The following UVRAG variants were observed in gnomAD, a reference collection of about 807,000 sequenced individuals.
UVRAG encodes UV radiation resistance associated.
UVRAG carries 19 observed loss-of-function variants against 78.0 expected under a neutral mutation model. The ratio of observed to expected loss-of-function variants is 0.24; its 90% CI spans 0.17 to 0.36. The LOEUF is 0.36. UVRAG is among the 10% of genes least tolerant of loss of function. The pLI, the probability that UVRAG is intolerant of heterozygous loss-of-function variation, is 1.00. For missense variants in UVRAG, 740 were observed against 853.8 expected, an observed-to-expected ratio of 0.87 and a Z score of 1.66; for synonymous variants, 323 against 324.6, an observed-to-expected ratio of 1.00 and a Z score of 0.05.
chr11:76,091,686 C>A (rs1283893562), intron 13 of UVRAG, among the ~76,000 whole-genome samples: 1 of 151,970 alleles, frequency 6.6e-6, no homozygotes, highest in Non-Finnish European at 1.5e-5. Flanking sequence ...TGAATAGCAT[C>A]TTATTGTTCT....
At chr11:76,123,985 C>T (rs1266754992) in intron 14 of UVRAG, among the ~76,000 whole-genome samples, 11 of 151,980 alleles carry the variant, frequency 7.2e-5, no homozygotes, top group Admixed American at 1.3e-4. Context: ...AGGCTGGTCT[C>T]GAACTCCTGA....
intron 12 of UVRAG, among the ~76,000 whole-genome samples, chr11:76,042,783 C>T (rs1219882881): frequency 2.6e-5 from 4 of 152,112 alleles, no homozygotes; most frequent in African/African-American, 7.2e-5. Context: ...GTATGTTATA[C>T]ATTAATAAAA....
chr11:76,081,487 T>C lies in UVRAG; in HGVS notation c.1305+15699T>C, dbSNP rs544541500. Among the ~76,000 whole-genome samples, 3 of 152,274 alleles carry C rather than the reference T, an allele frequency of 2.0e-5. No individual in the cohort carries two copies. In the South Asian group the frequency reaches 6.2e-4, roughly 32 times the overall value. The stretch of plus-strand genomic sequence containing the variant: ...TCCCAAAGTGCTGGGATTACAGGTG[T>C]GAGTGACCGACCGCACCTGGCCAAG... On this transcript the variant is annotated intron_variant, in intron 13 of 14. Coordinates refer to ENST00000356136, the MANE Select transcript of UVRAG (RefSeq NM_003369.4).
intron 11 of UVRAG, among the ~76,000 whole-genome samples, chr11:76,016,275 C>G (rs1458554962): frequency 6.6e-6 from 1 of 152,128 alleles, no homozygotes; most frequent in Non-Finnish European, 1.5e-5. Context: ...CCATATTTAA[C>G]TTCATAGACT....
chr11:76,134,081 C>T (rs188038354), intron 14 of UVRAG, among the ~76,000 whole-genome samples: 112 of 151,906 alleles, frequency 7.4e-4, no homozygotes, highest in African/African-American at 2.6e-3. Flanking sequence ...CTGCCTCAGC[C>T]TCCCGTGCAG....
intron 8 of UVRAG, among the ~76,000 whole-genome samples, chr11:75,992,446 A>G (rs932056184): frequency 1.3e-5 from 2 of 152,188 alleles, no homozygotes; most frequent in Admixed American, 6.5e-5. Flanking sequence ...CCCCTGGACT[A>G]TTAGAATCCT....
intron 12 of UVRAG, among the ~76,000 whole-genome samples, chr11:76,037,167 T>A (rs1237508038): frequency 6.6e-6 from 1 of 152,034 alleles, no homozygotes; most frequent in Non-Finnish European, 1.5e-5. Flanking sequence ...AAACAAAAGT[T>A]ATAGACAAAT....
chr11:76,140,950 C>T lies in UVRAG; in HGVS notation c.1637C>T (p.Ser546Phe), dbSNP rs774785741. The T allele has an allele frequency of 2.5e-6, 4 of 1,614,186 alleles. No individual in the cohort carries two copies. The South Asian group carries it at 4.4e-5, about 18-fold the overall frequency. The change falls in exon 15 of 15, where the codon TCT becomes TTT. Residue 546 changes from serine (S) to phenylalanine (F), a missense_variant. Transcript: ENST00000356136. ...SMGETERKIT[S>F]LSSSLDTSLD... ...GGAGAGACCGAGAGAAAGATAACAT[C>T]TCTATCCTCCTCCTTGGATACCTCC...
At chr11:76,059,454 G>C (rs1223583321) in intron 12 of UVRAG, among the ~76,000 whole-genome samples, 1 of 152,168 alleles carries the variant, frequency 6.6e-6, no homozygotes, top group Non-Finnish European at 1.5e-5. Context: ...TAAGAGCTTG[G>C]ACCAATGATT....
intron 3 of UVRAG, among the ~76,000 whole-genome samples, chr11:75,864,548 T>C (rs1334946722): frequency 6.6e-6 from 1 of 152,212 alleles, no homozygotes; most frequent in Non-Finnish European, 1.5e-5. Flanking sequence ...GCAGAATTGG[T>C]TGGTTTCTTT....
At chr11:76,039,555 A>G (rs2134326628) in intron 12 of UVRAG, among the ~76,000 whole-genome samples, 1 of 152,366 alleles carries the variant, frequency 6.6e-6, no homozygotes, top group South Asian at 2.1e-4. Flanking sequence ...AATGAATACA[A>G]TACAAGCACC....
chr11:76,028,579 A>G (rs1197620722), intron 12 of UVRAG, among the ~76,000 whole-genome samples: 1 of 152,062 alleles, frequency 6.6e-6, no homozygotes, highest in African/African-American at 2.4e-5. Flanking sequence ...TAAGAAAGTG[A>G]AAAGACTTAT....
intron 12 of UVRAG, among the ~76,000 whole-genome samples, chr11:76,042,630 A>G (rs1165147925): frequency 6.6e-6 from 1 of 152,170 alleles, no homozygotes; most frequent in Non-Finnish European, 1.5e-5. Context: ...GGCCAGTTCT[A>G]TGGGGTACTG....
At chr11:75,834,345 C>T (rs1945731313) in intron 1 of UVRAG, among the ~76,000 whole-genome samples, 2 of 152,238 alleles carry the variant, frequency 1.3e-5, no homozygotes, top group Middle Eastern at 3.4e-3. Context: ...TGGAATATTG[C>T]ATGGGTGGTA....
chr11:75,920,624 C>T (rs187866195), intron 6 of UVRAG, among the ~76,000 whole-genome samples: 3 of 152,188 alleles, frequency 2.0e-5, no homozygotes, highest in Middle Eastern at 3.4e-3. Context: ...CACCCAAACA[C>T]AGAACATAGG....
intron 5 of UVRAG, among the ~76,000 whole-genome samples, chr11:75,896,248 A>G (rs1196347379): frequency 3.3e-5 from 5 of 151,968 alleles, no homozygotes; most frequent in Non-Finnish European, 5.9e-5. Flanking sequence ...AGATTTCTAC[A>G]GGGGTTTTCT....
chr11:75,949,859 G>T (rs570876041), intron 6 of UVRAG, among the ~76,000 whole-genome samples: 8 of 151,786 alleles, frequency 5.3e-5, no homozygotes, highest in Admixed American at 5.3e-4. Context: ...TTAAATCAAG[G>T]TATAGAGTAT....
chr11:76,024,903 T>C (rs1038059512), intron 12 of UVRAG, among the ~76,000 whole-genome samples: 6 of 152,120 alleles, frequency 3.9e-5, no homozygotes, highest in African/African-American at 1.4e-4. Flanking sequence ...CAAGTAGAAA[T>C]TGAATGACTC....
At chr11:76,021,405 TTTC>T (rs1298026110) in intron 12 of UVRAG, among the ~76,000 whole-genome samples, 1 of 152,202 alleles carries the variant, frequency 6.6e-6, no homozygotes, top group Non-Finnish European at 1.5e-5. Context: ...CTGCATTTTC[TTTC>T]TTCTTTTTCA....
Sources: allele counts gnomAD v4.1 joint callset (sites outside exome capture counted in the v4.1 genomes callset), GRCh38; gene constraint gnomAD v4.1.1; transcripts MANE v1.5; gene names NCBI Gene and HGNC (gene_info 2026-07-23, HGNC 2026-07-21).